RILPL2: variants seen among roughly 807,000 people sequenced by gnomAD.
The protein encoded by RILPL2 is RILP-like protein 2.
Under a neutral mutation model 22.2 loss-of-function variants are expected in RILPL2, and 19 were observed. The observed-to-expected ratio is 0.86, with a 90% CI of 0.60 to 1.25. The LOEUF is 1.25. Among genes scored for constraint, RILPL2 ranks in the 50% most tolerant of loss-of-function variants. The probability of loss-of-function intolerance (pLI) is 0.00; values close to 1 mark genes in which losing one functional copy is unlikely to be tolerated. For missense variants in RILPL2, 243 were observed against 263.6 expected (o/e 0.92, Z 0.54); for synonymous variants, 123 against 111.6 (o/e 1.10, Z -0.64).
At chr12:123,428,285 C>T (rs572716488) in intron 2 of RILPL2, among the ~76,000 whole-genome samples, 17 of 152,144 alleles carry the variant, frequency 1.1e-4, no homozygotes, top group South Asian at 8.3e-4. Flanking sequence ...TACAGGCGCC[C>T]GCCACCACGC....
In RILPL2 at chr12:123,421,128, C is replaced by T. The variant is rs373293660; in HGVS notation, c.605+1916G>A. 1.4e-4 allele frequency among the ~76,000 whole-genome samples: 21 copies of T among 152,002 alleles called. No homozygotes were observed. In the South Asian group the frequency reaches 2.5e-3, roughly 18 times the overall value. On this transcript the variant is annotated intron_variant, in intron 3 of 3. Coordinates refer to ENST00000280571, the MANE Select transcript of RILPL2 (RefSeq NM_145058.3). ...CACCATCTCGGCTCACCTCAACCTC[C>T]GCCTCCCAAGCTCAAGTGATTCTCC...
chr12:123,421,759 C>T (rs898198367), intron 3 of RILPL2, among the ~76,000 whole-genome samples: 2 of 151,314 alleles, frequency 1.3e-5, no homozygotes, highest in African/African-American at 2.4e-5. Flanking sequence ...CCTCCACCTC[C>T]CGGGCTCAAG....
At chr12:123,424,919 TC>T (rs10711365) in intron 2 of RILPL2, among the ~76,000 whole-genome samples, 12,495 of 152,084 alleles carry the variant, frequency 0.082, 748 homozygotes, top group East Asian at 0.24. Flanking sequence ...TCTAGCTCTG[TC>T]ACCCAGGCTG....
chr12:123,417,855 G>C (rs1207690085), intron 3 of RILPL2, among the ~76,000 whole-genome samples: 2 of 152,208 alleles, frequency 1.3e-5, no homozygotes, highest in Non-Finnish European at 2.9e-5. Context: ...AAAGTGCTGG[G>C]ATTACAGGCG....
chr12:123,431,589 C>T (rs1054554008), intron 1 of RILPL2, among the ~76,000 whole-genome samples: 2 of 151,810 alleles, frequency 1.3e-5, no homozygotes, highest in Non-Finnish European at 2.9e-5. Context: ...TTTGGGAGGC[C>T]GAGGCGGGCG....
At chr12:123,419,512 G>A (rs1879215099) in intron 3 of RILPL2, among the ~76,000 whole-genome samples, 3 of 152,132 alleles carry the variant, frequency 2.0e-5, no homozygotes. Flanking sequence ...CGTGGGACAG[G>A]GAGAGGTCCT....
At chr12:123,410,033 A>C in the RILPL2 span, among the ~76,000 whole-genome samples, 22 of 151,956 alleles carry the variant, frequency 1.4e-4, no homozygotes, top group Non-Finnish European at 2.6e-4. Flanking sequence ...GCCACAGTAG[A>C]GACAGGGTTT....
intron 2 of RILPL2, among the ~76,000 whole-genome samples, chr12:123,429,676 G>T (rs1248990067): frequency 6.6e-6 from 1 of 151,070 alleles, no homozygotes; most frequent in Non-Finnish European, 1.5e-5. Flanking sequence ...GCGTGATCTC[G>T]GCTCATTGCA....
At chr12:123,432,280 T>C (rs1481501058) in intron 1 of RILPL2, among the ~76,000 whole-genome samples, 1 of 152,066 alleles carries the variant, frequency 6.6e-6, no homozygotes, top group Non-Finnish European at 1.5e-5. Context: ...CTAGAGCGGG[T>C]GGATCGTTTG....
chr12:123,425,041 G>A (rs886289664), intron 2 of RILPL2, among the ~76,000 whole-genome samples: 36 of 151,854 alleles, frequency 2.4e-4, no homozygotes, highest in East Asian at 3.9e-4. Context: ...CACCACGCCC[G>A]GCTAATTTTT....
chr12:123,430,128 A>AAT, intron 2 of RILPL2, among the ~76,000 whole-genome samples: 1 of 148,234 alleles, frequency 6.7e-6, no homozygotes, highest in East Asian at 2.0e-4. Context: ...AAAAAAAAAA[A>AAT]GCCAGGCTTG....
intron 1 of RILPL2, 126 bp downstream of exon 1, chr12:123,435,956 C>A: frequency 7.5e-7 from 1 of 1,325,026 alleles, no homozygotes; most frequent in Non-Finnish European, 1.0e-6. Context: ...AGCGAGATCC[C>A]ATCTCTTAAA....
At position 123,436,483 on chromosome 12, in the gene RILPL2, C is replaced by T; in HGVS notation, c.-63G>A. ...TTGGAGTCTCCCAAAGGTTAGACTT[C>T]CTCCCGGCACCCAAAACTTTCCGCT... On this transcript the variant is annotated 5_prime_UTR_variant, in exon 1 of 4. Coordinates refer to ENST00000280571, the MANE Select transcript of RILPL2 (RefSeq NM_145058.3). This position sits in a 1 kb window ranked among gnomAD's most constrained non-coding sequence, Gnocchi z 6.7. 6.7e-7 allele frequency: 1 copy of T among 1,502,240 alleles called. No homozygotes were observed. Among genetic ancestry groups the T allele is most frequent in the Non-Finnish European group, 8.9e-7 (1 of 1,127,510 alleles). The allele number at this position is 1,502,240 out of a possible 1,614,324, so 93.1% of individuals were successfully genotyped here. A position where few individuals can be genotyped will look rare whatever the true frequency, so the allele number is the denominator to read the frequency against.
At chr12:123,414,932 C>CAA (rs3038684), downstream of RILPL2, 6,983 of 93,270 alleles carry the variant, frequency 0.075, 511 homozygotes, top group East Asian at 0.28. Context: ...GACTCCGTCT[C>CAA]AAAAAAAAAA....
At chr12:123,432,985 TAAGAAGAAG>T (rs147578719) in intron 1 of RILPL2, among the ~76,000 whole-genome samples, 1 of 151,306 alleles carries the variant, frequency 6.6e-6, no homozygotes, top group South Asian at 2.1e-4. Context: ...TAATAATAAT[TAAGAAGAAG>T]AAGAAGAAGA....
At chr12:123,426,606 T>TTCTC (rs1879448113) in intron 2 of RILPL2, among the ~76,000 whole-genome samples, 1 of 151,960 alleles carries the variant, frequency 6.6e-6, no homozygotes, top group Non-Finnish European at 1.5e-5. Flanking sequence ...CTTTCTTTCT[T>TTCTC]TTTTTTCTTT....
chr12:123,409,336 ATATT>A, the RILPL2 span: 2 of 152,056 alleles, frequency 1.3e-5, no homozygotes, highest in Middle Eastern at 3.2e-3. Context: ...ACAAATTAAA[ATATT>A]TATTGCCAGG....
At chr12:123,431,630 T>G (rs1320067573) in intron 1 of RILPL2, among the ~76,000 whole-genome samples, 4 of 151,938 alleles carry the variant, frequency 2.6e-5, no homozygotes, top group Non-Finnish European at 5.9e-5. Flanking sequence ...GAGACCATCC[T>G]GGCTAACGCG....
At chr12:123,422,561 C>T (rs1593489717) in intron 3 of RILPL2, among the ~76,000 whole-genome samples, 1 of 152,114 alleles carries the variant, frequency 6.6e-6, no homozygotes, top group East Asian at 1.9e-4. Flanking sequence ...TGGGGTCTCA[C>T]TTTGTTGCCC....
Sources: allele counts gnomAD v4.1 joint callset (sites outside exome capture counted in the v4.1 genomes callset), GRCh38; gene constraint gnomAD v4.1.1; non-coding constraint Gnocchi (gnomAD v3.1); transcripts MANE v1.5; gene names NCBI Gene and HGNC (gene_info 2026-07-23, HGNC 2026-07-21).